The following SLC46A3 variants were observed in gnomAD, a reference collection of about 807,000 sequenced individuals.
SLC46A3 encodes lysosomal proton-coupled steroid conjugate and bile acid symporter SLC46A3.
In SLC46A3, 26 loss-of-function variants were observed where a neutral mutation model predicts 38.5. That is an observed-to-expected ratio of 0.68 (90% CI 0.49 to 0.94). The LOEUF (loss-of-function observed/expected upper bound fraction) is 0.94. Ranked by LOEUF, SLC46A3 falls within the 40% of genes least tolerant of loss-of-function variation. The pLI is 0.00. For synonymous variants in SLC46A3, 185 were observed against 192.5 expected (o/e 0.96, Z 0.32); for missense variants, 510 against 544.3 (o/e 0.94, Z 0.63).
intron 4 of SLC46A3, among the ~76,000 whole-genome samples, chr13:28,705,022 G>T (rs1012171445): frequency 2.0e-5 from 3 of 152,208 alleles, no homozygotes; most frequent in Non-Finnish European, 4.4e-5. Context: ...CAACTGAAGA[G>T]TTAAACTTCC....
intron 5 of SLC46A3, among the ~76,000 whole-genome samples, chr13:28,702,735 T>C (rs1341568865): frequency 6.6e-6 from 1 of 152,230 alleles, no homozygotes; most frequent in Non-Finnish European, 1.5e-5. Context: ...CAGAATTCAA[T>C]AGAAACAATA....
chr13:28,716,494 A>G (rs919614983), intron 2 of SLC46A3, among the ~76,000 whole-genome samples: 21 of 152,088 alleles, frequency 1.4e-4, no homozygotes, highest in Non-Finnish European at 2.8e-4. Context: ...GCATGAATAA[A>G]CACTTACAAA....
rs553413599 is a variant in SLC46A3 at position 28,718,092 on chromosome 13, G to T, written c.-24-70C>A. ...AGGCTAGATATTCAAAGATGGGTAA[G>T]TTTGAGCAATTTTGTGGAGTAAATG... is the stretch of plus-strand genomic sequence containing the variant. On this transcript the variant is annotated intron_variant, in intron 1 of 5. Transcript: ENST00000266943. 10 of 1,315,580 alleles carry T rather than the reference G, an allele frequency of 7.6e-6. 1 individual carries two copies. The South Asian group carries it at 1.3e-4, about 17-fold the overall frequency. 81.5% of individuals were successfully genotyped at this position (1,315,580 alleles called of 1,614,324 possible).
Position 28,713,264 on chromosome 13 carries a change from C to T in SLC46A3, c.476G>A (p.Cys159Tyr). Residue 159 changes from cysteine (C) to tyrosine (Y), a missense_variant, in exon 3 of 6, where the codon TGT becomes TAT. Physicochemically the swap from Cys to Tyr is radical, Grantham distance 194. Coordinates refer to ENST00000266943, the MANE Select transcript of SLC46A3 (RefSeq NM_181785.4). ...AATTGTTTTTTGTTTGTGTTCTTTA[C>T]ACTGATCAACTATATAGGCAAAGCA... is the stretch of plus-strand genomic sequence containing the variant. ...GACFAYIVDQ[C>Y]KEHKQKTIRI... 6.2e-7 allele frequency: 1 copy of T among 1,613,942 alleles called. No individual in the cohort carries two copies. Among genetic ancestry groups the T allele is most frequent in the Non-Finnish European group, 8.5e-7 (1 of 1,180,022 alleles).
At chr13:28,715,691 C>T (rs1885509584) in intron 2 of SLC46A3, among the ~76,000 whole-genome samples, 1 of 152,144 alleles carries the variant, frequency 6.6e-6, no homozygotes, top group African/African-American at 2.4e-5. Context: ...TTTCAAATAG[C>T]AAGAAGGAGG....
Position 28,712,970 on chromosome 13 carries a change from C to T in SLC46A3, c.770G>A (p.Arg257Gln), listed in dbSNP as rs753121127. Reference sequence around the variant, plus strand: ...AAAAAGTAACAAACAGAGCAAAAATCGTCTCTTACCAGAAGCATTCTTAAA... The same window carrying T: ...AAAAAGTAACAAACAGAGCAAAAATTGTCTCTTACCAGAAGCATTCTTAAA... ...MLFKNASGKR[R>Q]FLLCLLLFTV... The change falls in exon 3 of 6, where the codon CGA (arginine) becomes CAA (glutamine). Residue 257 changes from arginine (R) to glutamine (Q), a missense_variant. Arg to Gln is a conservative substitution (Grantham distance 43, BLOSUM62 1). Transcript: ENST00000266943. 29 of 1,612,798 alleles carry T rather than the reference C, an allele frequency of 1.8e-5. No homozygotes were observed. The highest frequency in any genetic ancestry group is 3.3e-4 in the Middle Eastern group (2 of 6,066).
At chr13:28,702,133 T>G (rs1304205670) in intron 5 of SLC46A3, among the ~76,000 whole-genome samples, 1 of 150,568 alleles carries the variant, frequency 6.6e-6, no homozygotes, top group East Asian at 1.9e-4. Flanking sequence ...AGTGTTATTT[T>G]CCTACTGTTT....
intron 2 of SLC46A3, among the ~76,000 whole-genome samples, chr13:28,716,982 G>T (rs1288810989): frequency 7.0e-6 from 1 of 141,892 alleles, no homozygotes; most frequent in Non-Finnish European, 1.6e-5. Context: ...TGTTTTTGAG[G>T]CATTGTAGGA....
In SLC46A3 at chr13:28,713,047, A is replaced by G. The variant is rs763353807; in HGVS notation, c.693T>C (p.Thr231=). 2 of 1,611,510 alleles carry G rather than the reference A, an allele frequency of 1.2e-6. No individual in the cohort carries two copies. The highest frequency in any genetic ancestry group is 1.7e-6 in the Non-Finnish European group (2 of 1,179,598). ...TTTTGAAGCCTTCACTACATGACAT[A>G]GTAACATTCTGAGATGAACACTCTT... ...PVKECSSQNV[T]MSCSEGFKNL... Residue 231 remains threonine, a synonymous_variant, in exon 3 of 6, where the codon ACT becomes ACC. Transcript: ENST00000266943.
Position 28,704,114 on chromosome 13 carries a change from G to C in SLC46A3, c.1145-15C>G. On this transcript the variant is annotated splice_polypyrimidine_tract_variant and intron_variant, in intron 4 of 5. Coordinates refer to ENST00000266943, the MANE Select transcript of SLC46A3 (RefSeq NM_181785.4). ...AAACAGGGTACCTGTTTGGAGTAGG[G>C]ATAGAGAGAGAGGAAAAAAAAAAGG... The C allele has an allele frequency of 6.4e-7, 1 of 1,566,510 alleles. No homozygotes were observed. The highest frequency in any genetic ancestry group is 8.6e-7 in the Non-Finnish European group (1 of 1,161,400).
At chr13:28,718,070 C>G in intron 1 of SLC46A3, 48 bp from the exon 2 acceptor site, 1 of 1,482,880 alleles carries the variant, frequency 6.7e-7, no homozygotes, top group East Asian at 2.3e-5. Flanking sequence ...ATCCCAGAGG[C>G]TAGATATTCA....
chr13:28,704,342 T>C, intron 4 of SLC46A3: 1 of 444,834 alleles, frequency 2.2e-6, no homozygotes, highest in Non-Finnish European at 4.0e-6. Context: ...AAACTCCAAA[T>C]AGCTGAGTTC....
intron 4 of SLC46A3, among the ~76,000 whole-genome samples, chr13:28,707,373 G>A (rs1436826958): frequency 7.1e-6 from 1 of 141,300 alleles, no homozygotes; most frequent in Non-Finnish European, 1.5e-5. Flanking sequence ...ACACAGGAAG[G>A]GGAACATCAC....
Position 28,712,736 on chromosome 13 carries a change from G to A in SLC46A3, c.1004C>T (p.Thr335Met), listed in dbSNP as rs530190979. ...CGCGGTCATAGCCATTCCTGTCATC[G>A]TGGTAAAAATCCCAATGAAGGCCAT... is the stretch of plus-strand genomic sequence containing the variant. ...IHMAFIGIFT[T>M]MTGMAMTAFA... Residue 335 changes from threonine to methionine, a missense_variant, in exon 3 of 6, where the codon ACG becomes ATG. Coordinates refer to ENST00000266943, the MANE Select transcript of SLC46A3 (RefSeq NM_181785.4). 86 of 1,608,986 alleles carry A rather than the reference G, an allele frequency of 5.3e-5. 1 individual carries two copies. Among genetic ancestry groups the A allele is most frequent in the Admixed American group, 2.4e-4 (14 of 58,708 alleles).
chr13:28,703,141 A>T lies in SLC46A3; in HGVS notation c.1301+802T>A, dbSNP rs538205464. ...TCTATCCATTATATGTACTATTCAT[A>T]AATGGAATTTTGTGCTTCTTTAATT... On this transcript the variant is annotated intron_variant, in intron 5 of 5. Coordinates refer to ENST00000266943, the MANE Select transcript of SLC46A3 (RefSeq NM_181785.4). Among the ~76,000 whole-genome samples, 232 of 152,356 alleles carry T rather than the reference A, an allele frequency of 1.5e-3. 1 individual carries two copies. The highest frequency in any genetic ancestry group is 5.3e-3 in the African/African-American group (222 of 41,584).
intron 3 of SLC46A3, among the ~76,000 whole-genome samples, chr13:28,711,744 A>G (rs1361953785): frequency 6.6e-6 from 1 of 152,214 alleles, no homozygotes; most frequent in Non-Finnish European, 1.5e-5. Flanking sequence ...ACCACTTTAC[A>G]ATTCTCAAAG....
chr13:28,707,266 T>A (rs1305087), intron 4 of SLC46A3, among the ~76,000 whole-genome samples: 114 of 151,922 alleles, frequency 7.5e-4, no homozygotes, highest in Admixed American at 2.8e-3. Flanking sequence ...TGGATGAAGC[T>A]GGAAACCATC....
At chr13:28,707,341 A>T (rs1418883211) in intron 4 of SLC46A3, among the ~76,000 whole-genome samples, 3 of 144,414 alleles carry the variant, frequency 2.1e-5, no homozygotes, top group Non-Finnish European at 4.5e-5. Context: ...ACAGGTGGGA[A>T]TTGAACAATG....
At chr13:28,714,000 AG>A (rs1415361117) in intron 2 of SLC46A3, among the ~76,000 whole-genome samples, 1 of 152,178 alleles carries the variant, frequency 6.6e-6, no homozygotes, top group Non-Finnish European at 1.5e-5. Flanking sequence ...GTGATCAAAA[AG>A]TTTCAGATTT....
Sources: gnomAD v4.1 joint callset for allele counts (sites outside exome capture counted in the v4.1 genomes callset) on GRCh38, gnomAD v4.1.1 for gene constraint, MANE v1.5 for transcripts, NCBI Gene and HGNC (gene_info 2026-07-23, HGNC 2026-07-21) for gene names.